RANBP9: variants seen among roughly 807,000 people sequenced by gnomAD.
RANBP9 encodes the protein RAN binding protein 9, also known as ran-binding protein 9.
Under a neutral mutation model 84.3 loss-of-function variants are expected in RANBP9, and 15 were observed. That is an observed-to-expected ratio of 0.18 (90% confidence interval 0.12 to 0.27). RANBP9 has a LOEUF of 0.27. Among genes scored for constraint, RANBP9 ranks in the 10% least tolerant of loss-of-function variants. RANBP9 has a pLI of 1.00. For synonymous variants in RANBP9, 392 were observed against 349.6 expected, an observed-to-expected ratio of 1.12 and a Z score of -1.35; for missense variants, 809 against 912.8, an observed-to-expected ratio of 0.89 and a Z score of 1.46.
At chr6:13,657,379 A>G (rs1313130937) in intron 3 of RANBP9, 103 bp from the exon 4 acceptor site, 14 of 880,082 alleles carry the variant, frequency 1.6e-5, no homozygotes, top group Non-Finnish European at 2.2e-5. Context: ...AAGATAATAT[A>G]AAGATGAAAT....
chr6:13,653,952 A>G (rs1278714627), intron 4 of RANBP9, among the ~76,000 whole-genome samples: 1 of 152,112 alleles, frequency 6.6e-6, no homozygotes, highest in African/African-American at 2.4e-5. Context: ...TCACAAAAGT[A>G]AAAAGAATAC....
chr6:13,708,715 C>G (rs1449703806), intron 1 of RANBP9, among the ~76,000 whole-genome samples: 1 of 152,074 alleles, frequency 6.6e-6, no homozygotes, highest in South Asian at 2.1e-4. Flanking sequence ...CTCTATGATA[C>G]TTCTCCTTTG....
intron 2 of RANBP9, among the ~76,000 whole-genome samples, chr6:13,684,339 A>T (rs1433262082): frequency 6.6e-6 from 1 of 152,344 alleles, no homozygotes; most frequent in East Asian, 1.9e-4. Flanking sequence ...CACTAAAAAC[A>T]GCAATATATA....
chr6:13,703,297 T>C lies in RANBP9; in HGVS notation c.572-6401A>G, dbSNP rs537265919. On this transcript the variant is annotated intron_variant, in intron 1 of 13. Transcript: ENST00000011619. ...GGTCCCCATCTTTGGCCCACTGCTT[T>C]TTCTCACTCTATTCTCCCTCTCTCT... Among the ~76,000 whole-genome samples, 26 of 152,276 alleles carry C rather than the reference T, an allele frequency of 1.7e-4. 2 individuals are homozygous for C. The South Asian group carries it at 5.2e-3, about 30-fold the overall frequency.
At chr6:13,699,350 T>C (rs991708613) in intron 1 of RANBP9, among the ~76,000 whole-genome samples, 34 of 152,314 alleles carry the variant, frequency 2.2e-4, no homozygotes, top group African/African-American at 7.7e-4. Context: ...TAAATTAAAA[T>C]TTAAATTAGA....
intron 2 of RANBP9, among the ~76,000 whole-genome samples, chr6:13,672,071 T>C (rs1360951983): frequency 1.3e-5 from 2 of 152,188 alleles, no homozygotes; most frequent in East Asian, 1.9e-4. Context: ...GTGAACTAAC[T>C]TGAGCTTTAA....
intron 13 of RANBP9, among the ~76,000 whole-genome samples, chr6:13,622,760 T>TTAA (rs1489553879): frequency 6.6e-6 from 1 of 152,208 alleles, no homozygotes; most frequent in Non-Finnish European, 1.5e-5. Context: ...TACTTCCATA[T>TTAA]TAACTATGAT....
intron 11 of RANBP9, among the ~76,000 whole-genome samples, chr6:13,633,676 G>A (rs981420006): frequency 1.3e-5 from 2 of 152,112 alleles, no homozygotes; most frequent in Non-Finnish European, 2.9e-5. Flanking sequence ...AAACTGAGGT[G>A]GCTGATATTG....
chr6:13,659,600 T>C (rs1275672159), intron 2 of RANBP9, among the ~76,000 whole-genome samples: 1 of 152,136 alleles, frequency 6.6e-6, no homozygotes, highest in Non-Finnish European at 1.5e-5. Context: ...TTGTAAGTAT[T>C]AACACAAAAG....
intron 6 of RANBP9, among the ~76,000 whole-genome samples, chr6:13,643,906 C>G (rs1562302255): frequency 6.6e-6 from 1 of 152,026 alleles, no homozygotes; most frequent in Non-Finnish European, 1.5e-5. Context: ...CTAAAAAATA[C>G]CCCCAACATT....
chr6:13,699,986 T>C (rs1713193767), intron 1 of RANBP9, among the ~76,000 whole-genome samples: 3 of 152,174 alleles, frequency 2.0e-5, no homozygotes, highest in Admixed American at 6.6e-5. Flanking sequence ...CACCTGAAAG[T>C]TTATTATTAC....
At chr6:13,628,373 C>T (rs141955541) in intron 12 of RANBP9, among the ~76,000 whole-genome samples, 1 of 152,220 alleles carries the variant, frequency 6.6e-6, no homozygotes, top group East Asian at 1.9e-4. Flanking sequence ...TTACTATTGA[C>T]TTAATACATG....
At chr6:13,634,604 G>A (rs1341141075) in intron 10 of RANBP9, 52 bp from the exon 11 acceptor site, 2 of 1,524,542 alleles carry the variant, frequency 1.3e-6, no homozygotes, top group Non-Finnish European at 1.8e-6. Context: ...TTGCAGCTTA[G>A]TTTAAAATAA....
intron 2 of RANBP9, among the ~76,000 whole-genome samples, chr6:13,695,493 GAC>G (rs1421532881): frequency 7.1e-6 from 1 of 139,936 alleles, no homozygotes; most frequent in Non-Finnish European, 1.5e-5. Context: ...CATTTGGTTA[GAC>G]ACATTGTCTG....
At chr6:13,626,815 C>T (rs1764619598) in intron 12 of RANBP9, among the ~76,000 whole-genome samples, 1 of 152,176 alleles carries the variant, frequency 6.6e-6, no homozygotes, top group African/African-American at 2.4e-5. Context: ...ACCCATTTTC[C>T]ATCATTTCTC....
Position 13,637,856 on chromosome 6 carries a change from A to T in RANBP9, c.1625T>A (p.Leu542Gln). The T allele has an allele frequency of 6.2e-7, 1 of 1,610,150 alleles. No individual in the cohort carries two copies. The highest frequency in any genetic ancestry group is 8.5e-7 in the Non-Finnish European group (1 of 1,177,486). Residue 542 changes from leucine (L) to glutamine (Q), a missense_variant, in exon 10 of 14, where the codon CTA becomes CAA. Leu to Gln is a moderately radical substitution (Grantham distance 113, BLOSUM62 -2). Coordinates refer to ENST00000011619, the MANE Select transcript of RANBP9 (RefSeq NM_005493.3). ...TGATCTTGACATATTTATACTGTTT[A>T]GTTCTGGTACATTCAAGTTGGATGA... ...HQSSNLNVPE[L>Q]NSINMSRSQQ... is the part of the protein sequence containing the mutation.
At chr6:13,686,035 G>C (rs976612084) in intron 2 of RANBP9, among the ~76,000 whole-genome samples, 1 of 146,172 alleles carries the variant, frequency 6.8e-6, no homozygotes, top group Non-Finnish European at 1.5e-5. Flanking sequence ...CAAAAATCAT[G>C]GTTTAGTTTT....
chr6:13,711,607 T>G lies in RANBP9; in HGVS notation c.-102A>C. Reference sequence around the variant, plus strand: ...GCGGCCGCCGGCACCAGGCGCCCAGTCCGCCCGCCCCGGAAGCAGGCGGCG... The same window carrying G: ...GCGGCCGCCGGCACCAGGCGCCCAGGCCGCCCGCCCCGGAAGCAGGCGGCG... On this transcript the variant is annotated 5_prime_UTR_variant, in exon 1 of 14. Coordinates refer to ENST00000011619, the MANE Select transcript of RANBP9 (RefSeq NM_005493.3). 1 of 1,095,296 alleles carries G rather than the reference T, an allele frequency of 9.1e-7. No individual in the cohort carries two copies. The highest frequency in any genetic ancestry group is 1.1e-6 in the Non-Finnish European group (1 of 880,040). The allele number at this position is 1,095,296 out of a possible 1,614,324, so 67.8% of individuals were successfully genotyped here. A position where few individuals can be genotyped will look rare whatever the true frequency, so the allele number is the denominator to read the frequency against.
rs1031206738 is a variant in RANBP9, at chr6:13,673,112, TCAAAGA to T, written c.684-14286_684-14281del. ...TCAACACCTCATCTTCAAACCTAGG[TCAAAGA>T]CAAAGAGTAGGTCTTGAAAGAAATC... On this transcript the variant is annotated intron_variant, in intron 2 of 13. Coordinates refer to ENST00000011619, the MANE Select transcript of RANBP9 (RefSeq NM_005493.3). Among the ~76,000 whole-genome samples, 15 of 152,030 alleles carry T rather than the reference TCAAAGA, an allele frequency of 9.9e-5. No homozygotes were observed. In the East Asian group the frequency reaches 2.7e-3, roughly 27 times the overall value.
Sources: gnomAD v4.1 joint callset for allele counts (sites outside exome capture counted in the v4.1 genomes callset) on GRCh38, gnomAD v4.1.1 for gene constraint, MANE v1.5 for transcripts, NCBI Gene and HGNC (gene_info 2026-07-23, HGNC 2026-07-21) for gene names.